BACH2: variants seen among roughly 807,000 people sequenced by gnomAD.
BACH2 encodes the protein transcription regulator protein BACH2.
A neutral mutation model predicts 61.8 loss-of-function variants in BACH2; 5 were observed. That is an observed-to-expected ratio of 0.08 (90% CI 0.04 to 0.17). The LOEUF (loss-of-function observed/expected upper bound fraction) is 0.17, where lower values mean the gene tolerates loss of function less well. BACH2 is among the 10% of genes least tolerant of loss of function. The pLI is 1.00. For synonymous variants in BACH2, 446 were observed against 440.1 expected, an observed-to-expected ratio of 1.01 and a Z score of -0.17; for missense variants, 824 against 1,091.1, an observed-to-expected ratio of 0.76 and a Z score of 3.45.
chr6:90,016,308 T>C (rs1778056118), intron 5 of BACH2, among the ~76,000 whole-genome samples: 1 of 152,222 alleles, frequency 6.6e-6, no homozygotes, highest in Non-Finnish European at 1.5e-5. Context: ...ATTTTGCTAC[T>C]TGTTTTCTAT....
chr6:89,971,558 T>C (rs1775360595), intron 6 of BACH2, among the ~76,000 whole-genome samples: 1 of 152,162 alleles, frequency 6.6e-6, no homozygotes, highest in Non-Finnish European at 1.5e-5. Flanking sequence ...GGTTCTTACT[T>C]ACAGGGTGTG....
intron 6 of BACH2, among the ~76,000 whole-genome samples, chr6:89,958,113 ATCAT>A (rs374958961): frequency 3.8e-3 from 578 of 152,270 alleles, no homozygotes; most frequent in African/African-American, 0.013. Context: ...ACTCTATCTG[ATCAT>A]TCAGTCACTT....
chr6:90,262,893 G>A lies in BACH2; in HGVS notation c.-353+8956C>T, dbSNP rs563187274. 7.2e-5 allele frequency among the ~76,000 whole-genome samples: 11 copies of A among 152,238 alleles called. No homozygotes were observed. The South Asian group carries it at 1.9e-3, about 26-fold the overall frequency. On this transcript the variant is annotated intron_variant, in intron 2 of 8. Transcript: ENST00000257749. Reference sequence around the variant, plus strand: ...CTAACACAAATTGGAAACAGGAGACGATTAAGCTGATCTAAGGAAAAGCAT... The same window carrying A: ...CTAACACAAATTGGAAACAGGAGACAATTAAGCTGATCTAAGGAAAAGCAT...
chr6:90,101,790 T>C (rs1357482787), intron 4 of BACH2, among the ~76,000 whole-genome samples: 1 of 152,236 alleles, frequency 6.6e-6, no homozygotes, highest in Non-Finnish European at 1.5e-5. Context: ...TCTATGAACA[T>C]TGGATGTCTT....
intron 6 of BACH2, among the ~76,000 whole-genome samples, chr6:89,960,087 C>T (rs1237957680): frequency 6.6e-6 from 1 of 152,214 alleles, no homozygotes; most frequent in Non-Finnish European, 1.5e-5. Context: ...GCTCACAGGT[C>T]CCTTTCATCC....
intron 7 of BACH2, among the ~76,000 whole-genome samples, chr6:89,943,518 T>C (rs1338670370): frequency 2.0e-5 from 3 of 152,136 alleles, no homozygotes; most frequent in Non-Finnish European, 4.4e-5. Flanking sequence ...AAAAAAATTC[T>C]CATCCCCAAA....
intron 5 of BACH2, among the ~76,000 whole-genome samples, chr6:90,069,307 A>T (rs1392990542): frequency 1.3e-5 from 2 of 152,208 alleles, no homozygotes; most frequent in Non-Finnish European, 2.9e-5. Context: ...TGACTCAGTA[A>T]AACAGTTGAA....
At position 90,008,905 on chromosome 6, in the gene BACH2, C is replaced by A; in HGVS notation, c.-12-49G>T. The A allele has an allele frequency of 6.3e-7, 1 of 1,592,944 alleles. No individual in the cohort carries two copies. The highest frequency in any genetic ancestry group is 8.6e-7 in the Non-Finnish European group (1 of 1,168,386). ...AAAGAAAGAAAGAAAGGCTGAGTCACCACAGCTGTAGGATCAGAGAGAGGA... is the reference window on the plus strand; with the variant it reads ...AAAGAAAGAAAGAAAGGCTGAGTCAACACAGCTGTAGGATCAGAGAGAGGA... On this transcript the variant is annotated intron_variant, in intron 5 of 8. Coordinates refer to ENST00000257749, the MANE Select transcript of BACH2 (RefSeq NM_021813.4). The surrounding 1 kb of genome is among the most constrained non-coding windows in gnomAD (Gnocchi z 4.1).
At chr6:90,258,912 C>G (rs767293024) in intron 2 of BACH2, among the ~76,000 whole-genome samples, 1 of 151,976 alleles carries the variant, frequency 6.6e-6, no homozygotes, top group African/African-American at 2.4e-5. Context: ...GATTTTGCAC[C>G]CCACAGCTTT....
chr6:90,229,625 T>A (rs1016617493), intron 3 of BACH2, among the ~76,000 whole-genome samples: 3 of 152,228 alleles, frequency 2.0e-5, no homozygotes, highest in Non-Finnish European at 4.4e-5. Context: ...AACTTACATT[T>A]AAGTTGGTGA....
chr6:90,226,865 C>T (rs1289112927), intron 3 of BACH2, among the ~76,000 whole-genome samples: 3 of 152,106 alleles, frequency 2.0e-5, no homozygotes, highest in Non-Finnish European at 4.4e-5. Flanking sequence ...TTCCTTTATT[C>T]AAAAACATTT....
chr6:90,207,588 T>A (rs1684068646), intron 3 of BACH2, among the ~76,000 whole-genome samples: 2 of 152,152 alleles, frequency 1.3e-5, no homozygotes, highest in African/African-American at 4.8e-5. Context: ...TTAAGTTGCA[T>A]CTAGGAGGGA....
chr6:90,205,157 G>T (rs1279160938), intron 4 of BACH2, among the ~76,000 whole-genome samples: 2 of 152,098 alleles, frequency 1.3e-5, no homozygotes, highest in Non-Finnish European at 2.9e-5. Flanking sequence ...ACTGGAAGAG[G>T]GTCCTTTAGT....
intron 6 of BACH2, among the ~76,000 whole-genome samples, chr6:89,991,828 AT>A (rs1287588787): frequency 6.6e-6 from 1 of 152,076 alleles, no homozygotes; most frequent in Non-Finnish European, 1.5e-5. Flanking sequence ...TGACAGTGAT[AT>A]TTTTGAAAAG....
Position 89,932,754 on chromosome 6 carries a change from T to C in BACH2, c.2180A>G (p.His727Arg), listed in dbSNP as rs769361100. The change falls in exon 9 of 9, where the codon CAT (histidine) becomes CGT (arginine). Residue 727 changes from histidine (H) to arginine (R), a missense_variant. Coordinates refer to ENST00000257749, the MANE Select transcript of BACH2 (RefSeq NM_021813.4). ...GGGTCTGAGGACAGGGCAATACCGA[T>C]GCAGGGCCTGGATCTGCTCGGGGCT... ...IQSPEQIQAL[H>R]RYCPVLRPMD... 2 of 1,614,168 alleles carry C rather than the reference T, an allele frequency of 1.2e-6. No homozygotes were observed. Among genetic ancestry groups the C allele is most frequent in the South Asian group, 1.1e-5 (1 of 91,082 alleles).
intron 7 of BACH2, among the ~76,000 whole-genome samples, chr6:89,944,980 T>C (rs1427159676): frequency 6.6e-6 from 1 of 152,078 alleles, no homozygotes; most frequent in Non-Finnish European, 1.5e-5. Flanking sequence ...CCATAACTAC[T>C]CACACCCACT....
chr6:90,208,824 C>T (rs1159123804), intron 3 of BACH2, among the ~76,000 whole-genome samples: 1 of 152,052 alleles, frequency 6.6e-6, no homozygotes. Flanking sequence ...CAATGATAGA[C>T]TGGATAAATA....
rs545505164 is a variant in BACH2 at position 89,927,241 on chromosome 6, C to T, written c.*5167G>A. Reference sequence around the variant, plus strand: ...CATATGGAATCTTCCTGATCACTCACTAGAGGTGCCATGTCTTTATGTCAG... The same window carrying T: ...CATATGGAATCTTCCTGATCACTCATTAGAGGTGCCATGTCTTTATGTCAG... On this transcript the variant is annotated 3_prime_UTR_variant, in exon 9 of 9. Coordinates refer to ENST00000257749, the MANE Select transcript of BACH2 (RefSeq NM_021813.4). The T allele has an allele frequency of 9.8e-5, 15 of 152,764 alleles. No homozygotes were observed. Among genetic ancestry groups the T allele is most frequent in the Non-Finnish European group, 1.8e-4 (12 of 68,042 alleles). 9.5% of individuals were successfully genotyped at this position (152,764 alleles called of 1,614,324 possible).
intron 4 of BACH2, among the ~76,000 whole-genome samples, chr6:90,102,528 C>T (rs919470373): frequency 1.3e-5 from 2 of 152,062 alleles, no homozygotes; most frequent in Non-Finnish European, 2.9e-5. Flanking sequence ...GTGACTCATG[C>T]CTGTAATCCC....
Sources: allele counts gnomAD v4.1 joint callset (sites outside exome capture counted in the v4.1 genomes callset), GRCh38; gene constraint gnomAD v4.1.1; non-coding constraint Gnocchi (gnomAD v3.1); transcripts MANE v1.5; gene names NCBI Gene and HGNC (gene_info 2026-07-23, HGNC 2026-07-21).